Variants in MIPEP observed in about 807,000 individuals in gnomAD.
MIPEP encodes the protein mitochondrial intermediate peptidase.
In MIPEP, 79 loss-of-function variants were observed where a neutral mutation model predicts 90.3. That is an observed-to-expected ratio of 0.87 (90% CI 0.73 to 1.05). MIPEP has a LOEUF of 1.05. Ranked by LOEUF, MIPEP falls within the 50% of genes least tolerant of loss-of-function variation. The pLI is 0.00. For missense variants in MIPEP, 940 were observed against 905.6 expected, an observed-to-expected ratio of 1.04 and a Z score of -0.49; for synonymous variants, 334 against 315.8, an observed-to-expected ratio of 1.06 and a Z score of -0.61.
chr13:23,827,984 A>C (rs1218756397), intron 14 of MIPEP, among the ~76,000 whole-genome samples: 2 of 152,216 alleles, frequency 1.3e-5, no homozygotes, highest in African/African-American at 4.8e-5. Context: ...CTGCATTAAA[A>C]AATAACTATT....
intron 1 of MIPEP, chr13:23,888,849 G>A (rs1030536344): frequency 2.9e-6 from 2 of 689,410 alleles, no homozygotes; most frequent in African/African-American, 1.9e-5. Flanking sequence ...CGAATTCACC[G>A]CCACTGCCAG....
chr13:23,853,549 G>A (rs1198553130), intron 10 of MIPEP, among the ~76,000 whole-genome samples: 3 of 151,334 alleles, frequency 2.0e-5, no homozygotes, highest in Non-Finnish European at 4.4e-5. Flanking sequence ...AATGACAAAA[G>A]TGCCTAACGA....
chr13:23,753,121 A>G (rs1001181026), intron 18 of MIPEP, among the ~76,000 whole-genome samples: 2 of 151,710 alleles, frequency 1.3e-5, no homozygotes, highest in African/African-American at 4.8e-5. Flanking sequence ...CCAGCTACTC[A>G]GGAGGCTGAG....
chr13:23,765,033 C>T (rs552400287), intron 16 of MIPEP, among the ~76,000 whole-genome samples: 23 of 152,288 alleles, frequency 1.5e-4, no homozygotes, highest in African/African-American at 5.1e-4. Flanking sequence ...CAGTCGAATA[C>T]ATATTGGCAG....
chr13:23,888,566 A>G (rs1161864807), intron 1 of MIPEP: 1 of 316,732 alleles, frequency 3.2e-6, no homozygotes, highest in Non-Finnish European at 4.6e-6. Flanking sequence ...CCATGGCACT[A>G]TGGGAAGTGA....
chr13:23,853,005 AAG>A (rs1219210029), intron 10 of MIPEP, among the ~76,000 whole-genome samples: 5 of 152,364 alleles, frequency 3.3e-5, no homozygotes, highest in Admixed American at 1.3e-4. Flanking sequence ...GGATTAAAAA[AAG>A]AGAAAATATT....
chr13:23,823,176 G>A (rs1022352788), intron 14 of MIPEP, among the ~76,000 whole-genome samples: 4 of 152,102 alleles, frequency 2.6e-5, no homozygotes, highest in African/African-American at 4.8e-5. Context: ...AAAATGGTCC[G>A]TAAGGAGGAG....
chr13:23,813,985 A>T (rs1953206080), intron 14 of MIPEP, among the ~76,000 whole-genome samples: 1 of 152,242 alleles, frequency 6.6e-6, no homozygotes, highest in Non-Finnish European at 1.5e-5. Context: ...ATGAGCAACT[A>T]TGTATAAATG....
chr13:23,889,107 G>A, intron 1 of MIPEP, 25 bp downstream of exon 1: 1 of 1,392,666 alleles, frequency 7.2e-7, no homozygotes, highest in Admixed American at 3.5e-5. Context: ...CGGGGACTGA[G>A]GGGAGCTCCT....
rs10507335 is a variant in MIPEP at position 23,858,965 on chromosome 13, T to C, written c.1054-53A>G. On this transcript the variant is annotated intron_variant, in intron 9 of 18. Coordinates refer to ENST00000382172, the MANE Select transcript of MIPEP (RefSeq NM_005932.4). Reference sequence around the variant, plus strand: ...AAAGCTACTGACTCTTTCATAGTTTTTATCAGCAACGTGGCCAGCCTATAG... The same window carrying C: ...AAAGCTACTGACTCTTTCATAGTTTCTATCAGCAACGTGGCCAGCCTATAG... The C allele has an allele frequency of 5.5e-3, 8,257 of 1,503,218 alleles. 396 individuals are homozygous for C. The African/African-American group carries it at 0.097, about 18-fold the overall frequency. The allele number at this position is 1,503,218 out of a possible 1,614,324, so 93.1% of individuals were successfully genotyped here.
intron 15 of MIPEP, 76 bp from the exon 16 acceptor site, chr13:23,806,145 A>G: frequency 1.4e-6 from 2 of 1,467,930 alleles, no homozygotes; most frequent in Non-Finnish European, 1.9e-6. Flanking sequence ...AAGATGCTAT[A>G]AGTGCACCAG....
At chr13:23,791,319 G>C (rs1952895910) in intron 16 of MIPEP, among the ~76,000 whole-genome samples, 1 of 152,120 alleles carries the variant, frequency 6.6e-6, no homozygotes, top group East Asian at 1.9e-4. Flanking sequence ...AACCCCACTT[G>C]GGCCCTTAAC....
At chr13:23,840,164 A>C (rs1245162948) in intron 11 of MIPEP, among the ~76,000 whole-genome samples, 1 of 152,232 alleles carries the variant, frequency 6.6e-6, no homozygotes, top group Non-Finnish European at 1.5e-5. Flanking sequence ...GTTAAAAATC[A>C]GCAATATTAC....
intron 8 of MIPEP, among the ~76,000 whole-genome samples, chr13:23,863,460 A>C (rs1194871739): frequency 1.3e-5 from 2 of 152,252 alleles, no homozygotes; most frequent in African/African-American, 4.8e-5. Flanking sequence ...TGTTTCAGGC[A>C]CAAAATTATT....
Position 23,886,436 on chromosome 13 carries a change from T to C in MIPEP, c.260A>G (p.Lys87Arg). ...TGCACGGTCCACAAGCAATTCTGTCTTTCTCAAGGCTTTTTCTTGTGCAAT... is the reference window on the plus strand; with the variant it reads ...TGCACGGTCCACAAGCAATTCTGTCCTTCTCAAGGCTTTTTCTTGTGCAAT... Reference protein sequence around the residue: ...FHIAQEKALRKTELLVDRACS... With the variant: ...FHIAQEKALRRTELLVDRACS... Residue 87 changes from lysine to arginine, a missense_variant, in exon 2 of 19, where the codon AAG (lysine) becomes AGG (arginine). Lys to Arg is a conservative substitution (Grantham distance 26, BLOSUM62 2). Coordinates refer to ENST00000382172, the MANE Select transcript of MIPEP (RefSeq NM_005932.4). 6.2e-7 allele frequency: 1 copy of C among 1,608,242 alleles called. No individual in the cohort carries two copies. The highest frequency in any genetic ancestry group is 8.5e-7 in the Non-Finnish European group (1 of 1,176,880).
intron 18 of MIPEP, among the ~76,000 whole-genome samples, chr13:23,747,312 C>A (rs1424930677): frequency 2.6e-5 from 4 of 152,276 alleles, no homozygotes; most frequent in African/African-American, 9.6e-5. Context: ...TATCTGAAAT[C>A]ATTTAGGCGG....
chr13:23,792,591 C>A (rs1952909032), intron 16 of MIPEP, among the ~76,000 whole-genome samples: 1 of 152,188 alleles, frequency 6.6e-6, no homozygotes, highest in Admixed American at 6.5e-5. Context: ...TGCCTGGGCT[C>A]AAGCGATCCT....
chr13:23,771,066 A>G (rs912719712), intron 16 of MIPEP, among the ~76,000 whole-genome samples: 1 of 152,318 alleles, frequency 6.6e-6, no homozygotes, highest in East Asian at 1.9e-4. Flanking sequence ...GGGGGTGCAG[A>G]CAGTAAATCC....
At chr13:23,839,229 G>A (rs1181514594) in intron 12 of MIPEP, among the ~76,000 whole-genome samples, 1 of 152,196 alleles carries the variant, frequency 6.6e-6, no homozygotes, top group Non-Finnish European at 1.5e-5. Flanking sequence ...TTGGGGATCT[G>A]CTCAGGATGT....
Sources: allele counts gnomAD v4.1 joint callset (sites outside exome capture counted in the v4.1 genomes callset), GRCh38; gene constraint gnomAD v4.1.1; transcripts MANE v1.5; gene names NCBI Gene and HGNC (gene_info 2026-07-23, HGNC 2026-07-21).